The following TAFA2 variants were observed in gnomAD, a reference collection of about 807,000 sequenced individuals.
TAFA2 encodes the protein chemokine-like protein TAFA-2.
In TAFA2, 7 loss-of-function variants were observed where a neutral mutation model predicts 18.8. That is an observed-to-expected ratio of 0.37 (90% CI 0.21 to 0.70). The LOEUF is 0.70. Ranked by LOEUF, TAFA2 falls within the 30% of genes least tolerant of loss-of-function variation. The pLI is 0.53. For synonymous variants in TAFA2, 60 were observed against 54.2 expected, an observed-to-expected ratio of 1.11 and a Z score of -0.47; for missense variants, 122 against 158.1, an observed-to-expected ratio of 0.77 and a Z score of 1.23.
At chr12:62,152,569 T>C (rs896410912) in intron 1 of TAFA2, among the ~76,000 whole-genome samples, 4 of 152,206 alleles carry the variant, frequency 2.6e-5, no homozygotes, top group Non-Finnish European at 4.4e-5. Flanking sequence ...TTTTGCATGA[T>C]AATTTATCTC....
At chr12:61,882,779 T>C (rs1010738014) in intron 1 of TAFA2, among the ~76,000 whole-genome samples, 2 of 152,196 alleles carry the variant, frequency 1.3e-5, no homozygotes, top group Admixed American at 6.5e-5. Flanking sequence ...GAATGCAGGA[T>C]TTGGAGTAAG....
chr12:62,220,282 T>C (rs763936011), intron 1 of TAFA2, among the ~76,000 whole-genome samples: 52 of 151,826 alleles, frequency 3.4e-4, no homozygotes, highest in Non-Finnish European at 5.4e-4. Flanking sequence ...TACAAATTAA[T>C]AAAATGAGAA....
chr12:61,939,093 C>T (rs1232177725), intron 1 of TAFA2, among the ~76,000 whole-genome samples: 1 of 152,140 alleles, frequency 6.6e-6, no homozygotes, highest in Non-Finnish European at 1.5e-5. Context: ...CCTATCGTTA[C>T]TGAGCATTGT....
At chr12:61,849,177 T>G (rs1483499589) in intron 2 of TAFA2, among the ~76,000 whole-genome samples, 1 of 152,140 alleles carries the variant, frequency 6.6e-6, no homozygotes, top group Non-Finnish European at 1.5e-5. Flanking sequence ...TTCATATGCA[T>G]TTTCATTTTA....
At chr12:61,741,031 T>C (rs1868420090) in intron 4 of TAFA2, among the ~76,000 whole-genome samples, 1 of 152,116 alleles carries the variant, frequency 6.6e-6, no homozygotes, top group Non-Finnish European at 1.5e-5. Context: ...TTTTATATCT[T>C]AGATCACATT....
At chr12:61,897,217 C>T (rs956664880) in intron 1 of TAFA2, among the ~76,000 whole-genome samples, 1 of 152,120 alleles carries the variant, frequency 6.6e-6, no homozygotes, top group African/African-American at 2.4e-5. Context: ...ATCCTTGAGA[C>T]AAAATGATGC....
At chr12:61,747,910 G>A (rs58561325) in intron 4 of TAFA2, among the ~76,000 whole-genome samples, 2,750 of 151,962 alleles carry the variant, frequency 0.018, 77 homozygotes, top group African/African-American at 0.062. Flanking sequence ...GCCCAAAAAT[G>A]TTGCATAAAA....
At chr12:61,895,519 CAA>C (rs1875804047) in intron 1 of TAFA2, among the ~76,000 whole-genome samples, 1 of 152,102 alleles carries the variant, frequency 6.6e-6, no homozygotes, top group African/African-American at 2.4e-5. Flanking sequence ...GAGATTTACT[CAA>C]AGTTTCCAAA....
chr12:61,807,195 G>A (rs1052073681), intron 2 of TAFA2, among the ~76,000 whole-genome samples: 5 of 151,344 alleles, frequency 3.3e-5, no homozygotes, highest in Non-Finnish European at 7.4e-5. Flanking sequence ...CTCATGCTGT[G>A]TGCAGCCTAG....
In TAFA2 at chr12:62,191,820, T is replaced by A. The variant is rs112000150; in HGVS notation, c.-563A>T. ...TCTCGCCTCACGTCGTCTCTCCCTC[T>A]CACACACACACACACTCACACATCC... On this transcript the variant is annotated 5_prime_UTR_variant, in exon 1 of 5. It removes the in-frame stop codon of an upstream open reading frame in the 5' UTR. Transcript: ENST00000416284. 255 of 152,284 alleles carry A rather than the reference T, an allele frequency of 1.7e-3. No homozygotes were observed. Among genetic ancestry groups the A allele is most frequent in the African/African-American group, 5.9e-3 (243 of 41,434 alleles). 9.4% of individuals were successfully genotyped at this position (152,284 alleles called of 1,614,324 possible). A position where few individuals can be genotyped will look rare whatever the true frequency, so the allele number is the denominator to read the frequency against.
intron 1 of TAFA2, among the ~76,000 whole-genome samples, chr12:62,170,478 A>G (rs1015035429): frequency 3.3e-5 from 5 of 152,208 alleles, no homozygotes; most frequent in African/African-American, 9.6e-5. Context: ...CTTGAGATAG[A>G]TCACTCTGCT....
At chr12:61,954,291 G>A (rs548922498) in intron 1 of TAFA2, among the ~76,000 whole-genome samples, 8 of 152,134 alleles carry the variant, frequency 5.3e-5, no homozygotes, top group Non-Finnish European at 1.0e-4. Context: ...ATGAACTTAA[G>A]GCAACTACAG....
intron 4 of TAFA2, 21 bp from the exon 5 acceptor site, chr12:61,710,438 A>C (rs7399207): frequency 0.43 from 673,714 of 1,578,516 alleles, 145,890 homozygotes; most frequent in Non-Finnish European, 0.43. Flanking sequence ...AGGAGAAAAT[A>C]TAGTCAACAT....
At chr12:62,228,475 G>A (rs1293192328) in intron 1 of TAFA2, among the ~76,000 whole-genome samples, 3 of 152,150 alleles carry the variant, frequency 2.0e-5, no homozygotes, top group Non-Finnish European at 4.4e-5. Flanking sequence ...GCTTTCCACA[G>A]AGGCTAAACT....
At chr12:61,919,327 T>A (rs1876952436) in intron 1 of TAFA2, among the ~76,000 whole-genome samples, 1 of 152,142 alleles carries the variant, frequency 6.6e-6, no homozygotes, top group Admixed American at 6.6e-5. Context: ...CACTACCCCC[T>A]GCATTCTCAC....
rs550085266 is a variant in TAFA2, at chr12:61,732,740, T to G, written c.384+20882A>C. ...GAGTGAGCAAGTGATTTTTTGTGTG[T>G]GTGTGTGTGTGTGTGCGTGCGTGCG... On this transcript the variant is annotated intron_variant, in intron 4 of 4. Transcript: ENST00000416284. 3.2e-3 allele frequency among the ~76,000 whole-genome samples: 492 copies of G among 151,744 alleles called. 13 individuals carry two copies. In the East Asian group the frequency reaches 0.081, roughly 25 times the overall value.
intron 1 of TAFA2, among the ~76,000 whole-genome samples, chr12:62,079,692 G>A (rs191690744): frequency 5.8e-4 from 88 of 151,830 alleles, no homozygotes; most frequent in African/African-American, 2.0e-3. Context: ...TTAACAGCAT[G>A]TTGTTACTAA....
chr12:61,826,521 G>C (rs1431386421), intron 2 of TAFA2, among the ~76,000 whole-genome samples: 4 of 151,958 alleles, frequency 2.6e-5, no homozygotes, highest in Non-Finnish European at 4.4e-5. Context: ...TATCAGCTTA[G>C]AATCTATGTC....
intron 1 of TAFA2, among the ~76,000 whole-genome samples, chr12:62,257,756 T>C (rs369116715): frequency 1.3e-5 from 2 of 152,216 alleles, no homozygotes; most frequent in South Asian, 2.1e-4. Flanking sequence ...AGACATTCAT[T>C]CTAAATAAGC....
Sources: allele counts gnomAD v4.1 joint callset (sites outside exome capture counted in the v4.1 genomes callset), GRCh38; gene constraint gnomAD v4.1.1; transcripts MANE v1.5; gene names NCBI Gene and HGNC (gene_info 2026-07-23, HGNC 2026-07-21).